Variants in MYO1B observed in about 807,000 individuals in gnomAD.
MYO1B encodes myosin IB.
In MYO1B, 72 loss-of-function variants were observed where a neutral mutation model predicts 159.7. The ratio of observed to expected loss-of-function variants is 0.45; its 90% CI spans 0.37 to 0.55. The LOEUF is 0.55. Ranked by LOEUF, MYO1B falls within the 20% of genes least tolerant of loss-of-function variation. The pLI is 0.00. For missense variants in MYO1B, 1,062 were observed against 1,364.8 expected (o/e 0.78, Z 3.50); for synonymous variants, 468 against 473.8 (o/e 0.99, Z 0.16).
At chr2:191,381,746 G>A (rs1395749298) in intron 14 of MYO1B, among the ~76,000 whole-genome samples, 180 bp downstream of exon 14, 1 of 152,204 alleles carries the variant, frequency 6.6e-6, no homozygotes, top group African/African-American at 2.4e-5. Context: ...AAGCTATAGA[G>A]TCAGGGATTG....
chr2:191,369,706 A>G, intron 12 of MYO1B, 78 bp downstream of exon 12: 4 of 1,087,142 alleles, frequency 3.7e-6, no homozygotes, highest in Non-Finnish European at 5.5e-6. Context: ...GAAAGTTTAA[A>G]TTTATAATCA....
rs557689626 is a variant in MYO1B, at chr2:191,247,966, C to T, written c.-10+2340C>T. The T allele has an allele frequency of 1.0e-5, 10 of 985,368 alleles. No individual in the cohort carries two copies. The African/African-American group carries it at 1.7e-4, about 17-fold the overall frequency. The allele number at this position is 985,368 out of a possible 1,614,324, so 61.0% of individuals were successfully genotyped here. A position where few individuals can be genotyped will look rare whatever the true frequency, so the allele number is the denominator to read the frequency against. ...CTGATTGCTGCACAGTTATGCAAAGCAAGGAGGAACGTCTGACATCATGGG... is the reference window on the plus strand; with the variant it reads ...CTGATTGCTGCACAGTTATGCAAAGTAAGGAGGAACGTCTGACATCATGGG... On this transcript the variant is annotated intron_variant, in intron 1 of 30. Transcript: ENST00000392318.
chr2:191,367,938 G>A (rs1275716523), intron 11 of MYO1B, among the ~76,000 whole-genome samples: 5 of 152,192 alleles, frequency 3.3e-5, no homozygotes, highest in Admixed American at 1.3e-4. Context: ...GGGGAAAGAT[G>A]CATCTAAATT....
At chr2:191,297,324 T>G (rs1689042789) in intron 3 of MYO1B, among the ~76,000 whole-genome samples, 1 of 152,208 alleles carries the variant, frequency 6.6e-6, no homozygotes, top group Non-Finnish European at 1.5e-5. Flanking sequence ...GGGCCCACGG[T>G]GTCTTGCAGA....
At chr2:191,368,019 T>C (rs1412590380) in intron 11 of MYO1B, among the ~76,000 whole-genome samples, 1 of 152,212 alleles carries the variant, frequency 6.6e-6, no homozygotes, top group East Asian at 1.9e-4. Context: ...CCCTTGTTTG[T>C]TTATTTGTTT....
intron 26 of MYO1B, 85 bp from the exon 27 acceptor site, chr2:191,410,981 G>T: frequency 1.3e-6 from 1 of 742,780 alleles, no homozygotes; most frequent in South Asian, 2.4e-5. Flanking sequence ...TCTTGTTGCT[G>T]ATAAATTGTC....
chr2:191,419,281 T>C (rs1170003066), intron 30 of MYO1B, among the ~76,000 whole-genome samples: 8 of 152,036 alleles, frequency 5.3e-5, no homozygotes, highest in Non-Finnish European at 1.2e-4. Context: ...TGCAGTGGCG[T>C]GATCTCGGCT....
chr2:191,423,410 A>T (rs2126205140), intron 30 of MYO1B, among the ~76,000 whole-genome samples: 1 of 152,310 alleles, frequency 6.6e-6, no homozygotes, highest in South Asian at 2.1e-4. Context: ...TAGGACCCCC[A>T]TCGTATATGA....
chr2:191,345,018 A>G (rs1692478357), intron 5 of MYO1B, among the ~76,000 whole-genome samples: 1 of 152,112 alleles, frequency 6.6e-6, no homozygotes, highest in African/African-American at 2.4e-5. Context: ...TCTCATTTGA[A>G]CACTCAGTAG....
intron 11 of MYO1B, among the ~76,000 whole-genome samples, chr2:191,366,387 T>C (rs542991330): frequency 6.6e-6 from 1 of 152,256 alleles, no homozygotes; most frequent in Non-Finnish European, 1.5e-5. Context: ...TCAACTGTTT[T>C]TTTTTTTATT....
intron 2 of MYO1B, among the ~76,000 whole-genome samples, chr2:191,295,207 A>C (rs1383094519): frequency 6.6e-6 from 1 of 151,992 alleles, no homozygotes; most frequent in Non-Finnish European, 1.5e-5. Flanking sequence ...ACTGAAGGGG[A>C]AAATGGAGCT....
chr2:191,336,987 A>G (rs534851085), intron 4 of MYO1B, among the ~76,000 whole-genome samples: 3 of 152,350 alleles, frequency 2.0e-5, no homozygotes, highest in South Asian at 2.1e-4. Context: ...GATATTGCCT[A>G]TATCTATGAA....
Position 191,343,923 on chromosome 2 carries a change from T to C in MYO1B, c.452-2313T>C, listed in dbSNP as rs143412501. ...GGAATGTGTCTCAAGTGTTCTATAA[T>C]GGAACACTTGCTTTTTATTCTGTGG... On this transcript the variant is annotated intron_variant, in intron 5 of 30. Transcript: ENST00000392318. 1.0e-3 allele frequency among the ~76,000 whole-genome samples: 152 copies of C among 152,358 alleles called. 1 individual carries two copies. Among genetic ancestry groups the C allele is most frequent in the Middle Eastern group, 3.4e-3 (1 of 294 alleles).
intron 29 of MYO1B, 141 bp from the exon 30 acceptor site, chr2:191,415,974 G>T (rs1697537879): frequency 2.0e-6 from 2 of 993,838 alleles, no homozygotes; most frequent in Non-Finnish European, 3.0e-6. Flanking sequence ...CACTGCTTTT[G>T]TCATTATTGT....
intron 2 of MYO1B, among the ~76,000 whole-genome samples, chr2:191,280,721 C>A (rs1370781475): frequency 1.3e-5 from 2 of 152,098 alleles, no homozygotes; most frequent in African/African-American, 4.8e-5. Flanking sequence ...GGGTGGGTTC[C>A]CAACCAAATA....
intron 1 of MYO1B, among the ~76,000 whole-genome samples, chr2:191,254,147 CT>C (rs1410109090): frequency 6.6e-6 from 1 of 152,158 alleles, no homozygotes; most frequent in African/African-American, 2.4e-5. Context: ...AGTTGGGTGG[CT>C]TTTCCAATAC....
At chr2:191,286,265 T>C (rs556947530) in intron 2 of MYO1B, among the ~76,000 whole-genome samples, 1 of 152,288 alleles carries the variant, frequency 6.6e-6, no homozygotes, top group South Asian at 2.1e-4. Context: ...CTTGTAATTT[T>C]TACTTAGGCA....
At chr2:191,360,814 C>A in intron 8 of MYO1B, 85 bp downstream of exon 8, 4 of 927,164 alleles carry the variant, frequency 4.3e-6, no homozygotes, top group Non-Finnish European at 3.3e-6. Flanking sequence ...ACTGTGTTGC[C>A]CAGGCCGGTC....
rs149129045 is a variant in MYO1B at position 191,359,084 on chromosome 2, C to T, written c.563-1547C>T. 4.1e-3 allele frequency among the ~76,000 whole-genome samples: 618 copies of T among 152,306 alleles called. 4 individuals carry two copies. Among genetic ancestry groups the T allele is most frequent in the African/African-American group, 0.015 (603 of 41,568 alleles). ...TTTCAATGAAGAATCTGCCCATGCCCTGTGGGTTTTTTCTTCTAAAACTGT... is the reference window on the plus strand; with the variant it reads ...TTTCAATGAAGAATCTGCCCATGCCTTGTGGGTTTTTTCTTCTAAAACTGT... On this transcript the variant is annotated intron_variant, in intron 7 of 30. Coordinates refer to ENST00000392318, the MANE Select transcript of MYO1B (RefSeq NM_001130158.3).
Sources: gnomAD v4.1 joint callset for allele counts (sites outside exome capture counted in the v4.1 genomes callset) on GRCh38, gnomAD v4.1.1 for gene constraint, MANE v1.5 for transcripts, NCBI Gene and HGNC (gene_info 2026-07-23, HGNC 2026-07-21) for gene names.